The following MGAT5 variants were observed in gnomAD, a reference collection of about 807,000 sequenced individuals.
MGAT5 encodes the protein alpha-1,6-mannosylglycoprotein 6-beta-N-acetylglucosaminyltransferase A.
MGAT5 carries 30 observed loss-of-function variants against 94.3 expected under a neutral mutation model. That is an observed-to-expected ratio of 0.32 (90% CI 0.24 to 0.43). MGAT5 has a LOEUF of 0.43. MGAT5 is among the 20% of genes least tolerant of loss of function. MGAT5 has a pLI of 1.00. For missense variants in MGAT5, 691 were observed against 905.5 expected (o/e 0.76, Z 3.04); for synonymous variants, 310 against 322.9 (o/e 0.96, Z 0.43).
intron 1 of MGAT5, among the ~76,000 whole-genome samples, chr2:134,143,123 A>G (rs1439336613): frequency 6.6e-6 from 1 of 152,118 alleles, no homozygotes; most frequent in Non-Finnish European, 1.5e-5. Context: ...ACTGACATGG[A>G]ATACACAGAA....
rs145508189 is a variant in MGAT5 at position 134,173,518 on chromosome 2, A to G, written c.-143+53227A>G. ...ACCCCCTTGTTCTCAGCTCTGCACC[A>G]TGTGGGTTTGACAGCCTTCATGAGG... On this transcript the variant is annotated intron_variant, in intron 1 of 16. Coordinates refer to the MGAT5 transcript ENST00000409645. 1.4e-4 allele frequency among the ~76,000 whole-genome samples: 21 copies of G among 152,324 alleles called. No individual in the cohort carries two copies. The East Asian group carries it at 3.5e-3, about 25-fold the overall frequency.
At chr2:134,220,389 G>C (rs967487816) in intron 1 of MGAT5, among the ~76,000 whole-genome samples, 13 of 152,158 alleles carry the variant, frequency 8.5e-5, no homozygotes, top group African/African-American at 3.1e-4. Flanking sequence ...ACACAAGATG[G>C]TGTCTCTGCC....
intron 2 of MGAT5, among the ~76,000 whole-genome samples, chr2:134,290,948 G>T (rs1685308554): frequency 6.6e-6 from 1 of 152,148 alleles, no homozygotes; most frequent in South Asian, 2.1e-4. Flanking sequence ...TCTTCTAGGT[G>T]CCAGAAACGT....
chr2:134,410,973 C>T (rs1574042506), intron 11 of MGAT5, among the ~76,000 whole-genome samples: 1 of 152,210 alleles, frequency 6.6e-6, no homozygotes, highest in South Asian at 2.1e-4. Flanking sequence ...GGAGAGCCGG[C>T]ACATCCTCTC....
At chr2:134,335,433 A>T (rs1558800891) in intron 4 of MGAT5, among the ~76,000 whole-genome samples, 4 of 151,928 alleles carry the variant, frequency 2.6e-5, no homozygotes, top group Admixed American at 6.6e-5. Context: ...TGCATTTCTC[A>T]TTTTTTTGCT....
intron 13 of MGAT5, among the ~76,000 whole-genome samples, chr2:134,426,716 A>G (rs1342160265): frequency 6.6e-6 from 1 of 151,166 alleles, no homozygotes; most frequent in African/African-American, 2.4e-5. Context: ...ATCCTTTAAA[A>G]GAAAAGAAAA....
intron 10 of MGAT5, among the ~76,000 whole-genome samples, chr2:134,398,344 C>A (rs1402068943): frequency 6.6e-6 from 1 of 152,198 alleles, no homozygotes. Flanking sequence ...TTTTGTCACC[C>A]TGGAGAGGGA....
chr2:134,448,550 C>A, intron 15 of MGAT5, 99 bp from the exon 16 acceptor site: 1 of 1,082,808 alleles, frequency 9.2e-7, no homozygotes, highest in South Asian at 1.3e-5. Context: ...GACAACTGAA[C>A]ATCCCCCCAT....
chr2:134,139,835 A>G (rs1573728356), intron 1 of MGAT5, among the ~76,000 whole-genome samples: 1 of 152,154 alleles, frequency 6.6e-6, no homozygotes, highest in African/African-American at 2.4e-5. Context: ...AGGCCAGGCC[A>G]CTGCTGGCAA....
At chr2:134,243,736 T>C (rs1035403800) in intron 1 of MGAT5, among the ~76,000 whole-genome samples, 2 of 152,094 alleles carry the variant, frequency 1.3e-5, no homozygotes, top group Non-Finnish European at 2.9e-5. Flanking sequence ...AGCTAGTTCA[T>C]TTTTTTAACC....
chr2:134,156,987 G>A (rs997257655), intron 1 of MGAT5, among the ~76,000 whole-genome samples: 1 of 152,186 alleles, frequency 6.6e-6, no homozygotes, highest in Non-Finnish European at 1.5e-5. Context: ...AGCTTATGGT[G>A]TAGGGATTAA....
At chr2:134,323,095 G>T (rs72978179) in intron 4 of MGAT5, among the ~76,000 whole-genome samples, 1 of 152,104 alleles carries the variant, frequency 6.6e-6, no homozygotes, top group African/African-American at 2.4e-5. Context: ...ACCAGCTTCC[G>T]CTGAGTTATG....
At position 134,254,278 on chromosome 2, in the gene MGAT5, A is replaced by C; in HGVS notation, c.-126A>C. On this transcript the variant is annotated 5_prime_UTR_variant, in exon 1 of 16. Transcript: ENST00000281923. ...CCTTCACAGCAGAATGGAAGTGAGGAAAGGCAACCAGCTGACACAGGAGCC... is the reference window on the plus strand; with the variant it reads ...CCTTCACAGCAGAATGGAAGTGAGGCAAGGCAACCAGCTGACACAGGAGCC... The C allele has an allele frequency of 8.1e-7, 1 of 1,239,370 alleles. No homozygotes were observed. Among genetic ancestry groups the C allele is most frequent in the Non-Finnish European group, 1.1e-6 (1 of 895,494 alleles). The allele number at this position is 1,239,370 out of a possible 1,614,324, so 76.8% of individuals were successfully genotyped here. A position where few individuals can be genotyped will look rare whatever the true frequency, so the allele number is the denominator to read the frequency against.
chr2:134,401,952 C>T (rs1574022068), intron 10 of MGAT5, among the ~76,000 whole-genome samples: 1 of 152,180 alleles, frequency 6.6e-6, no homozygotes, highest in Non-Finnish European at 1.5e-5. Context: ...AGCCTGCCTC[C>T]GGGCTTCCCT....
At chr2:134,415,005 T>C (rs1419393715) in intron 12 of MGAT5, among the ~76,000 whole-genome samples, 1 of 152,050 alleles carries the variant, frequency 6.6e-6, no homozygotes, top group Non-Finnish European at 1.5e-5. Flanking sequence ...AATTTGTTTA[T>C]CTATTCATCC....
chr2:134,239,701 G>A (rs1000364149), intron 1 of MGAT5, among the ~76,000 whole-genome samples: 1 of 151,936 alleles, frequency 6.6e-6, no homozygotes, highest in African/African-American at 2.4e-5. Flanking sequence ...TCCTGGGGAT[G>A]AGGATGTGGA....
chr2:134,425,498 G>A (rs1438850844), intron 13 of MGAT5, among the ~76,000 whole-genome samples: 1 of 152,084 alleles, frequency 6.6e-6, no homozygotes, highest in Non-Finnish European at 1.5e-5. Flanking sequence ...ACAGGGGGAT[G>A]AGATGACCTA....
intron 1 of MGAT5, among the ~76,000 whole-genome samples, chr2:134,135,511 G>T (rs1686362508): frequency 6.6e-6 from 1 of 151,776 alleles, no homozygotes. Context: ...GGCCAACATG[G>T]TGAAACCCTG....
rs1050395956 is a variant in MGAT5, at chr2:134,413,095, T to A, written c.1677+80T>A. On this transcript the variant is annotated intron_variant, in intron 12 of 15. Transcript: ENST00000281923. ...TTGAGTGCTCATGTAGGTATTAACT[T>A]CATCTAACATGATTGGGTGGGAGGG... 12 of 1,468,570 alleles carry A rather than the reference T, an allele frequency of 8.2e-6. No homozygotes were observed. The Middle Eastern group carries it at 5.2e-4, about 64-fold the overall frequency. The allele number at this position is 1,468,570 out of a possible 1,614,324, so 91.0% of individuals were successfully genotyped here.
Sources: allele counts gnomAD v4.1 joint callset (sites outside exome capture counted in the v4.1 genomes callset), GRCh38; gene constraint gnomAD v4.1.1; transcripts MANE v1.5; gene names NCBI Gene and HGNC (gene_info 2026-07-23, HGNC 2026-07-21).